Variants in FADS2 observed in about 807,000 individuals in gnomAD.
The protein encoded by FADS2 is fatty acid desaturase 2.
FADS2 carries 18 observed loss-of-function variants against 61.2 expected under a neutral mutation model. The observed-to-expected ratio is 0.29, with a 90% CI of 0.20 to 0.44. FADS2 has a LOEUF of 0.44. Among genes scored for constraint, FADS2 ranks in the 20% least tolerant of loss-of-function variants. The pLI, the probability that FADS2 is intolerant of heterozygous loss-of-function variation, is 1.00. For missense variants in FADS2, 322 were observed against 572.7 expected (o/e 0.56, Z 4.47); for synonymous variants, 203 against 223.9 (o/e 0.91, Z 0.83).
intron 5 of FADS2, among the ~76,000 whole-genome samples, chr11:61,850,204 T>A (rs174591): frequency 0.3 from 45,341 of 151,994 alleles, 7,451 homozygotes; most frequent in African/African-American, 0.42. Context: ...TTATTTTATA[T>A]GGTAGACAAA....
upstream of FADS2, chr11:61,828,085 C>T: frequency 7.9e-7 from 1 of 1,271,078 alleles, no homozygotes; most frequent in Non-Finnish European, 1.0e-6. This position sits in a 1 kb window ranked among gnomAD's most constrained non-coding sequence, Gnocchi z 6.4. Context: ...TGTCGAGGCC[C>T]TGAGCTCCCG....
At chr11:61,861,356 A>AAAAAAAAC (rs2067413081) in intron 7 of FADS2, among the ~76,000 whole-genome samples, 1 of 121,356 alleles carries the variant, frequency 8.2e-6, no homozygotes, top group Non-Finnish European at 1.7e-5. Flanking sequence ...TCCCTCTCAA[A>AAAAAAAAC]AAAAAAAAAA....
At chr11:61,846,329 C>G (rs1357157982) in intron 4 of FADS2, among the ~76,000 whole-genome samples, 1 of 151,724 alleles carries the variant, frequency 6.6e-6, no homozygotes, top group Non-Finnish European at 1.5e-5. Context: ...GTTGGCCAGG[C>G]TGGCCTTGAA....
At chr11:61,840,756 T>A (rs1421526219) in intron 4 of FADS2, 31 bp downstream of exon 4, 1 of 1,499,810 alleles carries the variant, frequency 6.7e-7, no homozygotes, top group African/African-American at 1.4e-5. Context: ...GCATCTGTCC[T>A]GTTGGACAGC....
chr11:61,851,827 C>A (rs2067309575), intron 5 of FADS2, among the ~76,000 whole-genome samples: 2 of 152,244 alleles, frequency 1.3e-5, no homozygotes, highest in South Asian at 4.1e-4. Context: ...TCCTCGTTTT[C>A]TGCATTTTGG....
rs1565335775 is a variant in FADS2, at chr11:61,857,031, A to C, written c.765A>C (p.Lys255Asn). The change falls in exon 6 of 12, where the codon AAA becomes AAC. Residue 255 changes from lysine (K) to asparagine (N), a missense_variant. By Grantham distance (94) the Lys-to-Asn change is moderately conservative. Coordinates refer to ENST00000278840, the MANE Select transcript of FADS2 (RefSeq NM_004265.4). ...QPIEYGKKKL[K>N]YLPYNHQHEY... ...CTCAGTACGGCAAGAAGAAGCTGAA[A>C]TACCTGCCCTACAATCACCAGCACG... The C allele has an allele frequency of 6.2e-7, 1 of 1,613,996 alleles. No individual in the cohort carries two copies.
chr11:61,834,435 C>A (rs1269859762), intron 1 of FADS2, among the ~76,000 whole-genome samples: 1 of 152,230 alleles, frequency 6.6e-6, no homozygotes, highest in African/African-American at 2.4e-5. Context: ...AAGGGAGTAA[C>A]ATGAGCAACA....
chr11:61,816,845 G>A lies in FADS2; in HGVS notation c.141+419G>A. 1 of 1,488,024 alleles carries A rather than the reference G, an allele frequency of 6.7e-7. No homozygotes were observed. The highest frequency in any genetic ancestry group is 8.9e-7 in the Non-Finnish European group (1 of 1,129,150). 92.2% of individuals were successfully genotyped at this position (1,488,024 alleles called of 1,614,324 possible). On this transcript the variant is annotated intron_variant, in intron 1 of 11. Coordinates refer to the FADS2 transcript ENST00000257261. This position sits in a 1 kb window ranked among gnomAD's most constrained non-coding sequence, Gnocchi z 7.0. ...CGCGGGCTCCAGGAGTGGATTTGCT[G>A]GCGCGCGCCCAGAGCCAGCCGCCTG...
At chr11:61,822,215 C>T (rs1473101894) in intron 1 of FADS2, among the ~76,000 whole-genome samples, 9 of 152,186 alleles carry the variant, frequency 5.9e-5, no homozygotes, top group African/African-American at 1.9e-4. Context: ...GTGATCCACC[C>T]GCCTCAGACT....
At chr11:61,862,747 G>A (rs1326201253) in intron 7 of FADS2, 1 of 565,390 alleles carries the variant, frequency 1.8e-6, no homozygotes, top group Non-Finnish European at 3.2e-6. Flanking sequence ...GAAAAACAGG[G>A]CACAGTCACT....
upstream of FADS2, among the ~76,000 whole-genome samples, chr11:61,825,366 C>T (rs1483985200): frequency 6.6e-6 from 1 of 152,062 alleles, no homozygotes; most frequent in Non-Finnish European, 1.5e-5. Flanking sequence ...GCCTGTAATC[C>T]CAGCACTCTG....
chr11:61,840,763 C>A, intron 4 of FADS2, 38 bp downstream of exon 4: 1 of 1,483,228 alleles, frequency 6.7e-7, no homozygotes, highest in Non-Finnish European at 9.4e-7. Flanking sequence ...TCCTGTTGGA[C>A]AGCAGTTGAG....
upstream of FADS2, chr11:61,826,068 G>A (rs2067082569): frequency 1.4e-6 from 1 of 702,486 alleles, no homozygotes; most frequent in Non-Finnish European, 2.6e-6. Context: ...CCAGCCTCTG[G>A]AGTTATCTTT....
In FADS2 at chr11:61,837,880, G is replaced by A. The variant is rs140889931; in HGVS notation, c.310G>A (p.Gly104Ser). 1,299 of 1,612,326 alleles carry A rather than the reference G, an allele frequency of 8.1e-4. 1 individual carries two copies. The highest frequency in any genetic ancestry group is 1.4e-3 in the South Asian group (129 of 90,750). Residue 104 changes from glycine (G) to serine (S), a missense_variant, in exon 2 of 12, where the codon GGC becomes AGC. Transcript: ENST00000278840. The stretch of plus-strand genomic sequence containing the variant: ...CCCGGAGGAGCCCAGCCAGGACCAC[G>A]GCAAGAACGTAAGTCTGGCTTGCAA... ...LAPEEPSQDH[G>S]KNSKITEDFR... is the part of the protein sequence containing the mutation.
At chr11:61,857,286 C>T (rs879837954) in intron 6 of FADS2, among the ~76,000 whole-genome samples, 168 bp from the exon 7 acceptor site, 17 of 152,130 alleles carry the variant, frequency 1.1e-4, no homozygotes, top group Admixed American at 6.5e-4. Context: ...GGGTGACACA[C>T]GTCCTCAAGG....
chr11:61,816,964 G>T lies in FADS2; in HGVS notation c.141+538G>T, dbSNP rs2066991800. On this transcript the variant is annotated intron_variant, in intron 1 of 11. Transcript: ENST00000257261. This position sits in a 1 kb window ranked among gnomAD's most constrained non-coding sequence, Gnocchi z 7.0. ...CTCGTGGCGCGGGGAGCGAGATCCC[G>T]TCCCCCGGTGGGTCTTGGGCAACTC... 36 of 1,371,678 alleles carry T rather than the reference G, an allele frequency of 2.6e-5. No homozygotes were observed. Among genetic ancestry groups the T allele is most frequent in the Non-Finnish European group, 3.3e-5 (35 of 1,070,740 alleles). 85.0% of individuals were successfully genotyped at this position (1,371,678 alleles called of 1,614,324 possible). A position where few individuals can be genotyped will look rare whatever the true frequency, so the allele number is the denominator to read the frequency against.
At chr11:61,817,096 G>GCCAA in intron 1 of FADS2, 1 of 762,614 alleles carries the variant, frequency 1.3e-6, no homozygotes, top group Non-Finnish European at 1.9e-6. Flanking sequence ...CTCCCAGGGG[G>GCCAA]CGCCGCGGTA....
Position 61,866,188 on chromosome 11 carries a change from T to G in FADS2, c.*499T>G. 2 of 397,304 alleles carry G rather than the reference T, an allele frequency of 5.0e-6. No individual in the cohort carries two copies. The highest frequency in any genetic ancestry group is 8.9e-6 in the Non-Finnish European group (2 of 225,744). The allele number at this position is 397,304 out of a possible 1,614,324, so 24.6% of individuals were successfully genotyped here. A position where few individuals can be genotyped will look rare whatever the true frequency, so the allele number is the denominator to read the frequency against. ...GCTTCACTCTCCCTGACGGCTGCCA[T>G]TGGTCCACCCTTTCATAGAGAGGCC... On this transcript the variant is annotated 3_prime_UTR_variant, in exon 12 of 12. Transcript: ENST00000278840.
chr11:61,840,697 T>C lies in FADS2; in HGVS notation c.590T>C (p.Val197Ala), dbSNP rs1325515368. Residue 197 changes from valine (V) to alanine (A), a missense_variant, in exon 4 of 12, where the codon GTC (valine) becomes GCC (alanine). Physicochemically the swap from Val to Ala is moderately conservative, Grantham distance 64. This residue lies in a region of FADS2 where 221 missense variants were observed against 427.9 expected (regional missense o/e 0.52). Coordinates refer to ENST00000278840, the MANE Select transcript of FADS2 (RefSeq NM_004265.4). ...AGAAAACCCAAGTGGAACCACCTTGTCCACAAATTCGTCATTGGCCACTTA... is the reference window on the plus strand; with the variant it reads ...AGAAAACCCAAGTGGAACCACCTTGCCCACAAATTCGTCATTGGCCACTTA... ...VYRKPKWNHL[V>A]HKFVIGHLKG... is the part of the protein sequence containing the mutation. 1 of 1,614,168 alleles carries C rather than the reference T, an allele frequency of 6.2e-7. No individual in the cohort carries two copies. Among genetic ancestry groups the C allele is most frequent in the South Asian group, 1.1e-5 (1 of 91,088 alleles).
Sources: gnomAD v4.1 joint callset for allele counts (sites outside exome capture counted in the v4.1 genomes callset) on GRCh38, gnomAD v4.1.1 for gene constraint, gnomAD v4.1.1 regional missense constraint, Gnocchi (gnomAD v3.1) non-coding constraint, MANE v1.5 for transcripts, NCBI Gene and HGNC (gene_info 2026-07-23, HGNC 2026-07-21) for gene names.